The following CENPN variants were observed in gnomAD, a reference collection of about 807,000 sequenced individuals.
The protein encoded by CENPN is centromere protein N.
CENPN carries 36 observed loss-of-function variants against 48.6 expected under a neutral mutation model. The observed-to-expected ratio is 0.74, with a 90% CI of 0.57 to 0.98. CENPN has a LOEUF of 0.98. Among genes scored for constraint, CENPN ranks in the 50% least tolerant of loss-of-function variants. The pLI is 0.00. For synonymous variants in CENPN, 166 were observed against 135.2 expected, an observed-to-expected ratio of 1.23 and a Z score of -1.58; for missense variants, 439 against 399.2, an observed-to-expected ratio of 1.10 and a Z score of -0.85.
chr16:81,023,902 A>T (rs1186026450), intron 7 of CENPN: 1 of 152,248 alleles, frequency 6.6e-6, no homozygotes, highest in African/African-American at 2.4e-5. Flanking sequence ...AACACGGCGA[A>T]ACCTTGTCTC....
chr16:81,024,564 C>CTCAACTCAG, intron 7 of CENPN, 151 bp from the exon 8 acceptor site: 1 of 407,340 alleles, frequency 2.5e-6, no homozygotes, highest in East Asian at 5.5e-5. Context: ...CAGTGTCCTG[C>CTCAACTCAG]TCAACTCAGC....
Position 81,028,795 on chromosome 16 carries a change from T to C in CENPN, c.*144T>C. 1 of 1,426,666 alleles carries C rather than the reference T, an allele frequency of 7.0e-7. No individual in the cohort carries two copies. Among genetic ancestry groups the C allele is most frequent in the Non-Finnish European group, 9.1e-7 (1 of 1,094,918 alleles). 88.4% of individuals were successfully genotyped at this position (1,426,666 alleles called of 1,614,324 possible). On this transcript the variant is annotated 3_prime_UTR_variant, in exon 11 of 11. Transcript: ENST00000305850. ...GAATTTTTAGAAATGCTCACATAAT[T>C]GTTGGGACTGATTCATTCCTCCACG...
At chr16:81,023,677 C>T (rs1385660484) in intron 7 of CENPN, 2 of 152,268 alleles carry the variant, frequency 1.3e-5, no homozygotes, top group African/African-American at 2.4e-5. Flanking sequence ...TGGCTCATGC[C>T]TGTAACCCTA....
In CENPN at chr16:81,019,128, A is replaced by T. The variant is rs149253978; in HGVS notation, c.355-972A>T. ...AGCTAAATGCATAAGAGCATTAGGA[A>T]TAGTATATTTTCAAGCCCATTATTA... is the stretch of plus-strand genomic sequence containing the variant. On this transcript the variant is annotated intron_variant, in intron 5 of 10. Transcript: ENST00000305850. Among the ~76,000 whole-genome samples the T allele has an allele frequency of 4.0e-3, 606 of 152,302 alleles. 5 individuals are homozygous for T. The highest frequency in any genetic ancestry group is 0.014 in the African/African-American group (564 of 41,568).
intron 5 of CENPN, among the ~76,000 whole-genome samples, chr16:81,019,731 C>G (rs1412105709): frequency 6.6e-6 from 1 of 151,766 alleles, no homozygotes; most frequent in Admixed American, 6.6e-5. Flanking sequence ...AAAAAATTAG[C>G]CAGGCATGAT....
Position 81,020,123 on chromosome 16 carries a change from TGAG to T in CENPN, c.382_384del (p.Glu128del), listed in dbSNP as rs1330511354. 6.2e-7 allele frequency: 1 copy of T among 1,609,660 alleles called. No individual in the cohort carries two copies. The highest frequency in any genetic ancestry group is 8.5e-7 in the Non-Finnish European group (1 of 1,178,898). On this transcript the variant is annotated inframe_deletion, in exon 6 of 11. Coordinates refer to ENST00000305850, the MANE Select transcript of CENPN (RefSeq NM_001100624.3). ...AGGTGACAGTCAGCTTCAGAGAAACTGAGGAGAATGCAGTCTGGATTCGAATTG... is the reference window on the plus strand; with the variant it reads ...AGGTGACAGTCAGCTTCAGAGAAACTGAGAATGCAGTCTGGATTCGAATTG...
chr16:81,024,606 C>G, intron 7 of CENPN, 109 bp from the exon 8 acceptor site: 2 of 695,290 alleles, frequency 2.9e-6, no homozygotes, highest in South Asian at 3.9e-5. Flanking sequence ...TTGGATCTTT[C>G]TGTTGGAAAA....
intron 6 of CENPN, among the ~76,000 whole-genome samples, chr16:81,021,905 C>A (rs1487155709): frequency 6.6e-6 from 1 of 152,138 alleles, no homozygotes; most frequent in South Asian, 2.1e-4. Context: ...CAAGCACTCA[C>A]CACTATGCCT....
At chr16:81,024,948 TCTC>T (rs1055011222) in intron 8 of CENPN, among the ~76,000 whole-genome samples, 170 bp downstream of exon 8, 35 of 152,290 alleles carry the variant, frequency 2.3e-4, no homozygotes, top group African/African-American at 7.7e-4. Flanking sequence ...CTACCATAGT[TCTC>T]CTTTAGAATT....
Position 81,028,222 on chromosome 16 carries a change from G to A in CENPN, c.862G>A (p.Glu288Lys), listed in dbSNP as rs2549887. The change falls in exon 10 of 11, where the codon GAA (glutamate) becomes AAA (lysine). Residue 288 changes from glutamate (E) to lysine (K), a missense_variant. Transcript: ENST00000305850. ...AAATGGGAGCATCTTGGCTGAGAGGGAAGAACCCCTCCGATGCCTAATAAA... is the reference window on the plus strand; with the variant it reads ...AAATGGGAGCATCTTGGCTGAGAGGAAAGAACCCCTCCGATGCCTAATAAA... Reference protein sequence around the residue: ...GLNGSILAEREEPLRCLIKFS... With the variant: ...GLNGSILAERKEPLRCLIKFS... 1,200,060 of 1,612,672 alleles carry A rather than the reference G, an allele frequency of 0.74. 454,744 individuals carry two copies. Among genetic ancestry groups the A allele is most frequent in the South Asian group, 0.81 (73,433 of 91,066 alleles).
chr16:81,017,746 T>C lies in CENPN; in HGVS notation c.278-12T>C, dbSNP rs1321558780. 4 of 1,572,096 alleles carry C rather than the reference T, an allele frequency of 2.5e-6. No individual in the cohort carries two copies. Among genetic ancestry groups the C allele is most frequent in the African/African-American group, 2.8e-5 (2 of 72,616 alleles). ...CCCTTGATTTTTCTTTATTTTTTTT[T>C]CACTTTGGCAGGTGAAGATGTTGAC... On this transcript the variant is annotated splice_polypyrimidine_tract_variant and intron_variant, in intron 4 of 10. Transcript: ENST00000305850.
At chr16:81,008,529 AC>A (rs1159005646) in intron 1 of CENPN, among the ~76,000 whole-genome samples, 8 of 151,904 alleles carry the variant, frequency 5.3e-5, no homozygotes, top group Non-Finnish European at 8.8e-5. Context: ...GCGTCACGAC[AC>A]CCGGCTAATT....
intron 7 of CENPN, 145 bp downstream of exon 7, chr16:81,022,843 C>T (rs1406975288): frequency 6.2e-7 from 1 of 1,612,698 alleles, no homozygotes; most frequent in Non-Finnish European, 8.5e-7. Flanking sequence ...AATTAGTGAA[C>T]ATGAAAGGAA....
chr16:81,008,582 G>C (rs977232498), intron 1 of CENPN, among the ~76,000 whole-genome samples: 6 of 152,126 alleles, frequency 3.9e-5, no homozygotes, highest in Non-Finnish European at 1.5e-5. Context: ...ATGTTGGCCT[G>C]GGTGGTCTTG....
At chr16:81,015,919 C>T (rs1360205440) in intron 3 of CENPN, among the ~76,000 whole-genome samples, 1 of 150,700 alleles carries the variant, frequency 6.6e-6, no homozygotes, top group Non-Finnish European at 1.5e-5. Context: ...GCAGGAGAAT[C>T]ATTTGAACCC....
chr16:81,013,054 C>T (rs567936985), intron 2 of CENPN, among the ~76,000 whole-genome samples: 13 of 152,204 alleles, frequency 8.5e-5, no homozygotes, highest in South Asian at 4.1e-4. Flanking sequence ...AAACAAAACA[C>T]GTTCACATAA....
Position 81,020,250 on chromosome 16 carries a change from A to C in CENPN, c.505A>C (p.Arg169=), listed in dbSNP as rs777279486. Residue 169 remains arginine, a synonymous_variant, in exon 6 of 11, where the codon AGG becomes CGG. Coordinates refer to ENST00000305850, the MANE Select transcript of CENPN (RefSeq NM_001100624.3). ...CGCCTTCACGTCCTCCTCCATGCTG[A>C]GGCGCAATACACCGCTTCTGGGTCA... The part of the protein sequence containing the change: ...PYAFTSSSML[R]RNTPLLGQAL... 1 of 1,612,778 alleles carries C rather than the reference A, an allele frequency of 6.2e-7. No individual in the cohort carries two copies. The highest frequency in any genetic ancestry group is 1.1e-5 in the South Asian group (1 of 90,656).
intron 2 of CENPN, among the ~76,000 whole-genome samples, chr16:81,012,987 T>C (rs1410604814): frequency 6.6e-6 from 1 of 152,224 alleles, no homozygotes; most frequent in Non-Finnish European, 1.5e-5. Flanking sequence ...GAGGTATGTA[T>C]AAATATTGAT....
chr16:81,023,061 C>A (rs1597101727), intron 7 of CENPN: 3 of 535,900 alleles, frequency 5.6e-6, no homozygotes, highest in East Asian at 8.1e-5. Context: ...ACTTTTTGTC[C>A]CATCACTCAA....
Sources: gnomAD v4.1 joint callset for allele counts (sites outside exome capture counted in the v4.1 genomes callset) on GRCh38, gnomAD v4.1.1 for gene constraint, MANE v1.5 for transcripts, NCBI Gene and HGNC (gene_info 2026-07-23, HGNC 2026-07-21) for gene names.